Variants in POLQ observed in about 807,000 individuals in gnomAD.
The protein encoded by POLQ is epididymis secretory sperm binding protein.
In POLQ, 233 loss-of-function variants were observed where a neutral mutation model predicts 259.2. The observed-to-expected ratio is 0.90, with a 90% confidence interval of 0.81 to 1.00. The LOEUF is 1.00. POLQ is among the 50% of genes least tolerant of loss of function. The probability of loss-of-function intolerance (pLI) is 0.00; values close to 1 mark genes in which losing one functional copy is unlikely to be tolerated. For missense variants in POLQ, 2,871 were observed against 3,051.6 expected (o/e 0.94, Z 1.39); for synonymous variants, 1,025 against 1,048.8 (o/e 0.98, Z 0.44).
intron 12 of POLQ, among the ~76,000 whole-genome samples, chr3:121,506,393 C>T (rs1244559504): frequency 6.8e-6 from 1 of 147,872 alleles, no homozygotes; most frequent in Non-Finnish European, 1.5e-5. Flanking sequence ...AATCACTCTC[C>T]ATTTTCATCC....
At chr3:121,517,830 A>G (rs183207944) in intron 9 of POLQ, among the ~76,000 whole-genome samples, 95 of 152,340 alleles carry the variant, frequency 6.2e-4, no homozygotes, top group African/African-American at 2.3e-3. Context: ...TAAGGCCTAA[A>G]TTACAATTAC....
At chr3:121,454,968 C>A (rs1215663195) in intron 25 of POLQ, among the ~76,000 whole-genome samples, 2 of 152,094 alleles carry the variant, frequency 1.3e-5, no homozygotes, top group African/African-American at 4.8e-5. Flanking sequence ...CCAAAATTGA[C>A]CACATAGTTG....
chr3:121,440,814 C>T (rs1171731592), intron 26 of POLQ, among the ~76,000 whole-genome samples: 1 of 151,718 alleles, frequency 6.6e-6, no homozygotes, highest in Non-Finnish European at 1.5e-5. Context: ...AGGTTTAAAA[C>T]ATTTCAATAG....
chr3:121,449,258 T>A (rs1263890104), intron 26 of POLQ, 57 bp downstream of exon 26: 1 of 897,284 alleles, frequency 1.1e-6, no homozygotes, highest in African/African-American at 1.7e-5. Context: ...ACACAAATTT[T>A]TAAAAATATA....
At chr3:121,517,875 T>C (rs548093535) in intron 9 of POLQ, among the ~76,000 whole-genome samples, 2 of 152,386 alleles carry the variant, frequency 1.3e-5, no homozygotes, top group East Asian at 1.9e-4. Flanking sequence ...TTTACTGTTA[T>C]ATGAGAAAGA....
chr3:121,473,463 G>A lies in POLQ; in HGVS notation c.6430C>T (p.Pro2144Ser), dbSNP rs375962847. The A allele has an allele frequency of 6.2e-7, 1 of 1,612,704 alleles. No homozygotes were observed. The highest frequency in any genetic ancestry group is 8.5e-7 in the Non-Finnish European group (1 of 1,179,314). ...TGGTTTTTCATCTCTCTATTTGGGG[G>A]CAACTTCAATTCCAAAAATAAAACC... ...AEVLFLELKL[P>S]PNREMKNQGS... Residue 2144 changes from proline to serine, a missense_variant, in exon 21 of 30, where the codon CCC (proline) becomes TCC (serine). By Grantham distance (74) the Pro-to-Ser change is moderately conservative. Coordinates refer to ENST00000264233, the MANE Select transcript of POLQ (RefSeq NM_199420.4).
chr3:121,492,034 C>G (rs936743577), intron 15 of POLQ, among the ~76,000 whole-genome samples: 1 of 152,112 alleles, frequency 6.6e-6, no homozygotes, highest in African/African-American at 2.4e-5. Context: ...CCCCCTACCC[C>G]CACCTCCACC....
At chr3:121,497,031 G>T in intron 13 of POLQ, 99 bp from the exon 14 acceptor site, 1 of 1,172,478 alleles carries the variant, frequency 8.5e-7, no homozygotes, top group South Asian at 1.3e-5. Flanking sequence ...GGCAACAGAG[G>T]GCTTATATAA....
At chr3:121,480,432 G>C (rs1368309338) in intron 19 of POLQ, among the ~76,000 whole-genome samples, 5 of 151,762 alleles carry the variant, frequency 3.3e-5, no homozygotes, top group Non-Finnish European at 2.9e-5. Context: ...TTCAATTCTT[G>C]AATTCTATGA....
At chr3:121,453,415 G>A (rs2047697778) in intron 25 of POLQ, among the ~76,000 whole-genome samples, 1 of 152,228 alleles carries the variant, frequency 6.6e-6, no homozygotes. Context: ...GTTGAGAGAA[G>A]AAGGCTTCAG....
chr3:121,476,847 A>G, intron 19 of POLQ, 114 bp from the exon 20 acceptor site: 1 of 697,234 alleles, frequency 1.4e-6, no homozygotes, highest in Non-Finnish European at 2.3e-6. Flanking sequence ...CTACCAAGGT[A>G]TCCTTCAGGA....
At chr3:121,465,985 G>T (rs1472985549) in intron 24 of POLQ, among the ~76,000 whole-genome samples, 2 of 152,204 alleles carry the variant, frequency 1.3e-5, no homozygotes, top group Non-Finnish European at 2.9e-5. Context: ...TAGGTTGAAA[G>T]CTAGGCCTCT....
chr3:121,530,623 T>C (rs2048404563), intron 6 of POLQ, among the ~76,000 whole-genome samples: 1 of 152,106 alleles, frequency 6.6e-6, no homozygotes. Flanking sequence ...GGGGAAACAT[T>C]ATCTCAAAGA....
chr3:121,526,233 T>C (rs1242964510), intron 7 of POLQ, among the ~76,000 whole-genome samples: 1 of 152,200 alleles, frequency 6.6e-6, no homozygotes, highest in Non-Finnish European at 1.5e-5. Context: ...TTACTGGCAA[T>C]GTATTTCCTG....
chr3:121,439,853 A>G (rs2047575187), intron 27 of POLQ, 139 bp downstream of exon 27: 1 of 722,296 alleles, frequency 1.4e-6, no homozygotes, highest in Admixed American at 2.6e-5. Flanking sequence ...TAATGAAACC[A>G]ATGGTTGACG....
In POLQ at chr3:121,522,029, G is replaced by A. The variant is rs564481128; in HGVS notation, c.1229C>T (p.Pro410Leu). ...GLDSVLQKTVPWGVAFHHAGL... is the reference protein window; with the variant it reads ...GLDSVLQKTVLWGVAFHHAGL... ...TGCATGATGAAATGCTACTCCCCAT[G>A]GTACAGTTTTCTGTAATACAGAGTC... is the stretch of plus-strand genomic sequence containing the variant. The change falls in exon 8 of 30, where the codon CCA becomes CTA. Residue 410 changes from proline (P) to leucine (L), a missense_variant. Physicochemically the swap from Pro to Leu is moderately conservative, Grantham distance 98. Transcript: ENST00000264233. 1.4e-5 allele frequency: 23 copies of A among 1,587,654 alleles called. No individual in the cohort carries two copies. The African/African-American group carries it at 1.6e-4, about 11-fold the overall frequency.
In POLQ at chr3:121,485,039, AC is replaced by A. The variant is rs1163589884; in HGVS notation, c.5773+1del. ...TGACTTAGCCAAATACTCATTACTT[AC>A]CAGAATGCTTTTGTTCCTTCTGCAG... On this transcript the variant is annotated splice_donor_variant, in intron 17 of 29. Transcript: ENST00000264233. LOFTEE classifies it high-confidence loss of function. 1 of 1,607,982 alleles carries A rather than the reference AC, an allele frequency of 6.2e-7. No individual in the cohort carries two copies. The highest frequency in any genetic ancestry group is 1.3e-5 in the African/African-American group (1 of 74,704).
Position 121,537,115 on chromosome 3 carries a change from C to T in POLQ, c.725G>A (p.Arg242Gln), listed in dbSNP as rs780704056. The T allele has an allele frequency of 2.4e-5, 37 of 1,543,430 alleles. No homozygotes were observed. Among genetic ancestry groups the T allele is most frequent in the Admixed American group, 5.0e-5 (3 of 59,812 alleles). The change falls in exon 5 of 30, where the codon CGG becomes CAG. Residue 242 changes from arginine (R) to glutamine (Q), a missense_variant. Transcript: ENST00000264233. The stretch of plus-strand genomic sequence containing the variant: ...ACGTACTTACCAAGATGCTGATTTC[C>T]GAGTAATATAGCAAATCTTGGTCAG... ...LLLTKICYIT[R>Q]KSASCQADLA...
chr3:121,507,324 T>C (rs1282514014), intron 12 of POLQ, among the ~76,000 whole-genome samples: 3 of 152,238 alleles, frequency 2.0e-5, no homozygotes, highest in Non-Finnish European at 1.5e-5. Context: ...TCAAGGCCTT[T>C]TGAGCATGAG....
Sources: allele counts gnomAD v4.1 joint callset (sites outside exome capture counted in the v4.1 genomes callset), GRCh38; gene constraint gnomAD v4.1.1; transcripts MANE v1.5; gene names NCBI Gene and HGNC (gene_info 2026-07-23, HGNC 2026-07-21).